The following SLC25A41 variants were observed in gnomAD, a reference collection of about 807,000 sequenced individuals.
SLC25A41 encodes solute carrier family 25 member 41, also known as mitochondrial carrier protein SCaMC-3L.
Under a neutral mutation model 34.7 loss-of-function variants are expected in SLC25A41, and 35 were observed. The ratio of observed to expected loss-of-function variants is 1.01; its 90% confidence interval spans 0.77 to 1.34. SLC25A41 has a LOEUF of 1.34. Among genes scored for constraint, SLC25A41 ranks in the 40% most tolerant of loss-of-function variants. The probability of loss-of-function intolerance (pLI) is 0.00; values close to 1 mark genes in which losing one functional copy is unlikely to be tolerated. For missense variants in SLC25A41, 492 were observed against 489.8 expected (o/e 1.00, Z -0.04); for synonymous variants, 190 against 209.9 (o/e 0.91, Z 0.82).
At chr19:6,432,690 A>G (rs2092291422) in intron 1 of SLC25A41, among the ~76,000 whole-genome samples, 1 of 151,466 alleles carries the variant, frequency 6.6e-6, no homozygotes, top group South Asian at 2.1e-4. Context: ...CCCCTGGTTC[A>G]AGCGATTCTC....
chr19:6,429,140 A>AT lies in SLC25A41; in HGVS notation c.624+583dup, dbSNP rs2092265709. Among the ~76,000 whole-genome samples the AT allele has an allele frequency of 1.1e-4, 6 of 56,382 alleles. No individual in the cohort carries two copies. In the East Asian group the frequency reaches 2.0e-3, roughly 19 times the overall value. The allele number at this position is 56,382 out of a possible 152,430, so 37.0% of individuals were successfully genotyped here. ...TATATTATATATATGTTATATATAT[A>AT]TATAATATATATATTATATATATAA... On this transcript the variant is annotated intron_variant, in intron 4 of 6. Coordinates refer to ENST00000321510, the MANE Select transcript of SLC25A41 (RefSeq NM_173637.4).
At position 6,426,307 on chromosome 19, in the gene SLC25A41, G is replaced by T; in HGVS notation, c.*82C>A. On this transcript the variant is annotated 3_prime_UTR_variant, in exon 7 of 7. Transcript: ENST00000321510. ...AACTGCCCCAGGGCCTGAACCTTGA[G>T]GCCTCGAGGGCTCTTTGGGGCCAGG... 7.2e-7 allele frequency: 1 copy of T among 1,384,600 alleles called. No individual in the cohort carries two copies. The highest frequency in any genetic ancestry group is 2.6e-5 in the East Asian group (1 of 39,008). 85.8% of individuals were successfully genotyped at this position (1,384,600 alleles called of 1,614,324 possible). A position where few individuals can be genotyped will look rare whatever the true frequency, so the allele number is the denominator to read the frequency against.
In SLC25A41 at chr19:6,426,197, C is replaced by A; in HGVS notation, c.*192G>T. On this transcript the variant is annotated 3_prime_UTR_variant, in exon 7 of 7. Transcript: ENST00000321510. ...AGGAGTTTTCTGACCCAGCACTGCCCCCCTCCACCCACCACCAACCCCAGC... is the reference window on the plus strand; with the variant it reads ...AGGAGTTTTCTGACCCAGCACTGCCACCCTCCACCCACCACCAACCCCAGC... The A allele has an allele frequency of 1.7e-6, 1 of 600,554 alleles. No individual in the cohort carries two copies. Among genetic ancestry groups the A allele is most frequent in the Non-Finnish European group, 2.8e-6 (1 of 351,242 alleles). The allele number at this position is 600,554 out of a possible 1,614,324, so 37.2% of individuals were successfully genotyped here. A position where few individuals can be genotyped will look rare whatever the true frequency, so the allele number is the denominator to read the frequency against.
chr19:6,430,095 C>A lies in SLC25A41; in HGVS notation c.430G>T (p.Gly144Cys). 6.2e-7 allele frequency: 1 copy of A among 1,613,230 alleles called. No homozygotes were observed. The highest frequency in any genetic ancestry group is 8.5e-7 in the Non-Finnish European group (1 of 1,179,594). ...GGLQSMVQEG[G>C]FRSLWRGNGI... Reference sequence around the variant, plus strand: ...TTGCCCCGCCACAGGGAGCGGAAGCCGCCCTCCTGGACCATGCTCTGTAGC... The same window carrying A: ...TTGCCCCGCCACAGGGAGCGGAAGCAGCCCTCCTGGACCATGCTCTGTAGC... The change falls in exon 3 of 7, where the codon GGC (glycine) becomes TGC (cysteine). Residue 144 changes from glycine to cysteine, a missense_variant. Physicochemically the swap from Gly to Cys is radical, Grantham distance 159. Transcript: ENST00000321510.
chr19:6,433,432 C>G, intron 1 of SLC25A41, 55 bp downstream of exon 1: 1 of 1,569,236 alleles, frequency 6.4e-7, no homozygotes, highest in Non-Finnish European at 8.7e-7. Flanking sequence ...GTAGCCTGGC[C>G]TCTCCCTGTA....
At chr19:6,431,280 C>T (rs114463634) in intron 2 of SLC25A41, among the ~76,000 whole-genome samples, 1,801 of 151,102 alleles carry the variant, frequency 0.012, 30 homozygotes, top group African/African-American at 0.041. Context: ...CCAGGGATCT[C>T]GCTCTGTCAC....
chr19:6,429,168 TATATATAA>T lies in SLC25A41; in HGVS notation c.624+548_624+555del, dbSNP rs1568349884. Among the ~76,000 whole-genome samples the T allele has an allele frequency of 5.9e-3, 266 of 44,974 alleles. 72 individuals are homozygous for T. The highest frequency in any genetic ancestry group is 0.017 in the Admixed American group (47 of 2,822). 29.5% of individuals were successfully genotyped at this position (44,974 alleles called of 152,430 possible). ...TAATATATATATTATATATATAATA[TATATATAA>T]TATATATATGTTATATATATAATAT... is the stretch of plus-strand genomic sequence containing the variant. On this transcript the variant is annotated intron_variant, in intron 4 of 6. Transcript: ENST00000321510.
At chr19:6,428,799 G>C (rs149124446) in intron 4 of SLC25A41, among the ~76,000 whole-genome samples, 1 of 144,010 alleles carries the variant, frequency 6.9e-6, no homozygotes, top group Non-Finnish European at 1.5e-5. Flanking sequence ...CTGCAGCTTC[G>C]ACCTTCTGGG....
chr19:6,433,242 T>C (rs1424511638), intron 1 of SLC25A41, among the ~76,000 whole-genome samples: 2 of 151,840 alleles, frequency 1.3e-5, no homozygotes, highest in Non-Finnish European at 2.9e-5. Context: ...AGAGATAGGG[T>C]TTCGGCATGT....
chr19:6,435,645 C>G (rs1008678478), upstream of SLC25A41, among the ~76,000 whole-genome samples: 3 of 151,900 alleles, frequency 2.0e-5, no homozygotes, highest in African/African-American at 7.3e-5. Flanking sequence ...TCACTTGAGT[C>G]CAGGAGTTCA....
chr19:6,435,563 A>G (rs535095630), upstream of SLC25A41, among the ~76,000 whole-genome samples: 57 of 152,310 alleles, frequency 3.7e-4, no homozygotes, highest in African/African-American at 1.3e-3. Flanking sequence ...TCTACTAAAA[A>G]TAACGAAAAT....
At chr19:6,430,587 A>G (rs2145145735) in intron 2 of SLC25A41, 1 of 353,534 alleles carries the variant, frequency 2.8e-6, no homozygotes, top group Non-Finnish European at 5.6e-6. Flanking sequence ...TCCCAGGTTC[A>G]GGCGATTCTC....
chr19:6,430,024 G>T lies in SLC25A41; in HGVS notation c.501C>A (p.Phe167Leu). 1.2e-6 allele frequency: 2 copies of T among 1,612,504 alleles called. No homozygotes were observed. The highest frequency in any genetic ancestry group is 1.7e-6 in the Non-Finnish European group (2 of 1,179,260). ...CATTCCCCACCTGCTCGAATACGGAGAACTTGATGGCATACTCAGGAGCAA... is the reference window on the plus strand; with the variant it reads ...CATTCCCCACCTGCTCGAATACGGATAACTTGATGGCATACTCAGGAGCAA... ...LKIAPEYAIK[F>L]SVFEQCKNYF... The change falls in exon 3 of 7, where the codon TTC becomes TTA. Residue 167 changes from phenylalanine to leucine, a missense_variant. Coordinates refer to ENST00000321510, the MANE Select transcript of SLC25A41 (RefSeq NM_173637.4).
rs767691418 is a variant in SLC25A41, at chr19:6,430,199, CCT to C, written c.364-40_364-39del. On this transcript the variant is annotated intron_variant, in intron 2 of 6. Coordinates refer to ENST00000321510, the MANE Select transcript of SLC25A41 (RefSeq NM_173637.4). ...AGGACCCTGGAGGAGCCCCTGCTCGCCTCTGTCTCCGTCCCCATCCCTGCCCC... is the reference window on the plus strand; with the variant it reads ...AGGACCCTGGAGGAGCCCCTGCTCGCCTGTCTCCGTCCCCATCCCTGCCCC... 8 of 1,572,998 alleles carry C rather than the reference CCT, an allele frequency of 5.1e-6. No homozygotes were observed. In the Admixed American group the frequency reaches 1.4e-4, roughly 28 times the overall value.
chr19:6,426,121 G>A lies in SLC25A41; in HGVS notation c.*268C>T. The A allele has an allele frequency of 2.2e-6, 1 of 459,890 alleles. No homozygotes were observed. The allele number at this position is 459,890 out of a possible 1,614,324, so 28.5% of individuals were successfully genotyped here. On this transcript the variant is annotated 3_prime_UTR_variant, in exon 7 of 7. Coordinates refer to ENST00000321510, the MANE Select transcript of SLC25A41 (RefSeq NM_173637.4). ...AGCCAGGACGACCCACAAGGGGCCA[G>A]ACTGGAGTCCACGTTTCTTGTCTCA...
Position 6,427,376 on chromosome 19 carries a change from G to A in SLC25A41, c.750C>T (p.Leu250=), listed in dbSNP as rs757470174. Residue 250 remains leucine (L), a synonymous_variant, in exon 5 of 7, where the codon CTC becomes CTT. Transcript: ENST00000321510. This position sits in a 1 kb window ranked among gnomAD's most constrained non-coding sequence, Gnocchi z 4.9. ...CGGTGCAGGCATAGGGGATGATGCC[G>A]AGCATATTGGGCAGGTAGCCGCGGT... The part of the protein sequence containing the change: ...ALYRGYLPNM[L]GIIPYACTDL... 9.9e-6 allele frequency: 16 copies of A among 1,611,544 alleles called. No homozygotes were observed. The highest frequency in any genetic ancestry group is 8.4e-5 in the Admixed American group (5 of 59,858).
At chr19:6,434,117 T>C (rs1043720441), upstream of SLC25A41, among the ~76,000 whole-genome samples, 1 of 152,122 alleles carries the variant, frequency 6.6e-6, no homozygotes, top group African/African-American at 2.4e-5. Flanking sequence ...CTAATTTTTT[T>C]ATTTTTTAGT....
intron 3 of SLC25A41, 87 bp downstream of exon 3, chr19:6,429,922 G>A (rs2092277244): frequency 1.3e-6 from 2 of 1,588,354 alleles, no homozygotes; most frequent in Admixed American, 3.6e-5. Flanking sequence ...TGGAGGGTGA[G>A]TGTGTGCTTG....
upstream of SLC25A41, among the ~76,000 whole-genome samples, chr19:6,435,237 A>AG (rs2092304161): frequency 6.8e-6 from 1 of 147,224 alleles, no homozygotes; most frequent in South Asian, 2.2e-4. Context: ...AAAAAAAAAA[A>AG]GAAAAAAAAA....
Sources: allele counts gnomAD v4.1 joint callset (sites outside exome capture counted in the v4.1 genomes callset), GRCh38; gene constraint gnomAD v4.1.1; non-coding constraint Gnocchi (gnomAD v3.1); transcripts MANE v1.5; gene names NCBI Gene and HGNC (gene_info 2026-07-23, HGNC 2026-07-21).